Variants in PDGFC observed in about 807,000 individuals in gnomAD.
PDGFC encodes the protein platelet-derived growth factor C.
In PDGFC, 12 loss-of-function variants were observed where a neutral mutation model predicts 35.5. The observed-to-expected ratio is 0.34, with a 90% CI of 0.22 to 0.55. PDGFC has a LOEUF of 0.55. Among genes scored for constraint, PDGFC ranks in the 20% least tolerant of loss-of-function variants. The pLI is 0.91. For missense variants in PDGFC, 322 were observed against 412.4 expected (o/e 0.78, Z 1.90); for synonymous variants, 159 against 148.8 (o/e 1.07, Z -0.50).
intron 1 of PDGFC, among the ~76,000 whole-genome samples, chr4:156,945,338 C>CATATAT (rs1731914298): frequency 2.7e-5 from 1 of 37,452 alleles, no homozygotes; most frequent in Non-Finnish European, 6.2e-5. Flanking sequence ...TATACATATA[C>CATATAT]ATACATATAT....
At chr4:156,796,589 A>C (rs1731448903) in intron 3 of PDGFC, among the ~76,000 whole-genome samples, 1 of 145,638 alleles carries the variant, frequency 6.9e-6, no homozygotes, top group South Asian at 2.2e-4. Context: ...ATTGGTTGGG[A>C]GGCATTGTGC....
At chr4:156,922,503 C>T (rs966091144) in intron 1 of PDGFC, among the ~76,000 whole-genome samples, 6 of 152,162 alleles carry the variant, frequency 3.9e-5, no homozygotes, top group Admixed American at 3.9e-4. Context: ...ACATCAAGAG[C>T]AAGGGCAGAG....
chr4:156,960,556 T>C (rs1039464104), intron 1 of PDGFC, among the ~76,000 whole-genome samples: 11 of 151,674 alleles, frequency 7.3e-5, no homozygotes, highest in African/African-American at 2.7e-4. Context: ...GTAAAGTCAA[T>C]AATAAAATGC....
At chr4:156,806,107 G>A (rs1244463009) in intron 3 of PDGFC, among the ~76,000 whole-genome samples, 1 of 152,010 alleles carries the variant, frequency 6.6e-6, no homozygotes, top group East Asian at 1.9e-4. Flanking sequence ...AGATTCACTT[G>A]TATATTCAAA....
intron 3 of PDGFC, among the ~76,000 whole-genome samples, chr4:156,780,084 A>G (rs1435361650): frequency 6.7e-6 from 1 of 149,482 alleles, no homozygotes; most frequent in Non-Finnish European, 1.5e-5. Flanking sequence ...CCACAATGGC[A>G]TCTGTGGGAA....
intron 1 of PDGFC, 35 bp downstream of exon 1, chr4:156,970,751 G>C: frequency 1.5e-6 from 2 of 1,313,950 alleles, no homozygotes; most frequent in South Asian, 1.2e-5. Flanking sequence ...CACACAGCGA[G>C]AAACAAGCAG....
chr4:156,923,290 C>T (rs939703330), intron 1 of PDGFC, among the ~76,000 whole-genome samples: 7 of 152,160 alleles, frequency 4.6e-5, no homozygotes, highest in African/African-American at 7.2e-5. Flanking sequence ...TCTGCCTAGA[C>T]GCACCTGCCT....
chr4:156,907,850 T>C (rs1370442272), intron 1 of PDGFC, among the ~76,000 whole-genome samples: 1 of 152,102 alleles, frequency 6.6e-6, no homozygotes, highest in African/African-American at 2.4e-5. Flanking sequence ...CAGTCCTTCC[T>C]ACTGTCTCCT....
intron 1 of PDGFC, among the ~76,000 whole-genome samples, chr4:156,931,370 C>T (rs1731545994): frequency 6.6e-6 from 1 of 152,096 alleles, no homozygotes; most frequent in Non-Finnish European, 1.5e-5. Flanking sequence ...GGGAAGGAAA[C>T]TTAAATTATA....
At chr4:156,966,863 C>G (rs1249145360) in intron 1 of PDGFC, among the ~76,000 whole-genome samples, 1 of 152,144 alleles carries the variant, frequency 6.6e-6, no homozygotes, top group Non-Finnish European at 1.5e-5. Context: ...TATCATCCAT[C>G]CAATATCTAT....
At chr4:156,820,085 G>C (rs762234789) in intron 2 of PDGFC, among the ~76,000 whole-genome samples, 12 of 152,202 alleles carry the variant, frequency 7.9e-5, no homozygotes, top group Non-Finnish European at 1.3e-4. Flanking sequence ...GATAAACATT[G>C]AATGAATGAG....
intron 1 of PDGFC, among the ~76,000 whole-genome samples, chr4:156,903,269 TAAAC>T (rs759991990): frequency 2.6e-5 from 4 of 152,064 alleles, no homozygotes; most frequent in East Asian, 1.9e-4. Flanking sequence ...TAGAACAAAT[TAAAC>T]AATAACATTT....
At chr4:156,906,573 G>A (rs1349843798) in intron 1 of PDGFC, among the ~76,000 whole-genome samples, 1 of 152,108 alleles carries the variant, frequency 6.6e-6, no homozygotes, top group East Asian at 1.9e-4. Flanking sequence ...AGAATTCCTG[G>A]AAGGTAGCTT....
intron 1 of PDGFC, among the ~76,000 whole-genome samples, chr4:156,945,332 CAT>C (rs1560885342): frequency 1.5e-5 from 1 of 66,112 alleles, no homozygotes; most frequent in Non-Finnish European, 3.2e-5. Context: ...TGTATATATA[CAT>C]ATACATACAT....
chr4:156,822,061 G>A (rs1340988038), intron 2 of PDGFC, among the ~76,000 whole-genome samples: 3 of 152,078 alleles, frequency 2.0e-5, no homozygotes, highest in Admixed American at 6.5e-5. Context: ...TGAATATCAG[G>A]GATAAAAATG....
At chr4:156,883,149 G>T (rs1023272317) in intron 1 of PDGFC, among the ~76,000 whole-genome samples, 1 of 150,620 alleles carries the variant, frequency 6.6e-6, no homozygotes, top group African/African-American at 2.4e-5. Context: ...TGCCCTAGCT[G>T]TAGTACCATT....
chr4:156,852,447 T>G (rs1729480160), intron 1 of PDGFC, among the ~76,000 whole-genome samples: 1 of 152,204 alleles, frequency 6.6e-6, no homozygotes, highest in Admixed American at 6.5e-5. Flanking sequence ...TCATTTATTT[T>G]ACTTCCAGAA....
chr4:156,810,911 T>C lies in PDGFC; in HGVS notation c.421A>G (p.Arg141Gly). The change falls in exon 3 of 6, where the codon AGG (arginine) becomes GGG (glycine). Residue 141 changes from arginine to glycine, a missense_variant. By Grantham distance (125) the Arg-to-Gly change is moderately radical. This residue lies in a region of PDGFC where 202 missense variants were observed against 295.9 expected (regional missense o/e 0.68). Coordinates refer to ENST00000502773, the MANE Select transcript of PDGFC (RefSeq NM_016205.3). ...GKQISKGNQIRIRFVSDEYFP... is the reference protein window; with the variant it reads ...GKQISKGNQIGIRFVSDEYFP... ...TATTCATCAGATACAAATCTTATCC[T>C]AATTTGATTTCCTTTAGAAATCTGT... The C allele has an allele frequency of 6.2e-7, 1 of 1,607,586 alleles. No individual in the cohort carries two copies. The highest frequency in any genetic ancestry group is 8.5e-7 in the Non-Finnish European group (1 of 1,174,458).
intron 2 of PDGFC, among the ~76,000 whole-genome samples, chr4:156,837,421 C>T (rs1229792462): frequency 2.0e-5 from 3 of 148,690 alleles, no homozygotes; most frequent in African/African-American, 4.9e-5. Flanking sequence ...ATTGCCATTG[C>T]TTTTTTTTTT....
Sources: gnomAD v4.1 joint callset for allele counts (sites outside exome capture counted in the v4.1 genomes callset) on GRCh38, gnomAD v4.1.1 for gene constraint, gnomAD v4.1.1 regional missense constraint, MANE v1.5 for transcripts, NCBI Gene and HGNC (gene_info 2026-07-23, HGNC 2026-07-21) for gene names.